The following PPP1R14A variants were observed in gnomAD, a reference collection of about 807,000 sequenced individuals.
PPP1R14A encodes protein phosphatase 1 regulatory subunit 14A.
A neutral mutation model predicts 14.1 loss-of-function variants in PPP1R14A; 9 were observed. The ratio of observed to expected loss-of-function variants is 0.64; its 90% CI spans 0.38 to 1.11. The LOEUF (loss-of-function observed/expected upper bound fraction) is 1.11, where lower values mean the gene tolerates loss of function less well. PPP1R14A is among the 50% of genes most tolerant of loss of function. The pLI is 0.01. For synonymous variants in PPP1R14A, 93 were observed against 88.7 expected (o/e 1.05, Z -0.27); for missense variants, 208 against 200.7 (o/e 1.04, Z -0.22).
chr19:38,252,148 A>T lies in PPP1R14A; in HGVS notation c.315+158T>A. On this transcript the variant is annotated intron_variant, in intron 3 of 3. Transcript: ENST00000301242. This position sits in a 1 kb window ranked among gnomAD's most constrained non-coding sequence, Gnocchi z 4.1. Reference sequence around the variant, plus strand: ...AGAGACAAGTAGGAGGACAAAAGACACCCCTGGAGACCAGAAAGAGCTGCG... The same window carrying T: ...AGAGACAAGTAGGAGGACAAAAGACTCCCCTGGAGACCAGAAAGAGCTGCG... 1.6e-6 allele frequency: 1 copy of T among 629,780 alleles called. No individual in the cohort carries two copies. The highest frequency in any genetic ancestry group is 2.8e-6 in the Non-Finnish European group (1 of 362,508). The allele number at this position is 629,780 out of a possible 1,614,324, so 39.0% of individuals were successfully genotyped here. A position where few individuals can be genotyped will look rare whatever the true frequency, so the allele number is the denominator to read the frequency against.
At chr19:38,253,236 G>T in intron 1 of PPP1R14A, 1 of 453,032 alleles carries the variant, frequency 2.2e-6, no homozygotes, top group African/African-American at 2.0e-5. Context: ...GGGCTGGCAC[G>T]GGTCTCTCGC....
chr19:38,251,954 C>A (rs1968195417), intron 3 of PPP1R14A: 2 of 406,188 alleles, frequency 4.9e-6, no homozygotes, highest in Admixed American at 3.9e-5. Flanking sequence ...ATGGAGGGCC[C>A]CCAGAGGTGG....
At chr19:38,253,106 G>A in intron 1 of PPP1R14A, 132 bp from the exon 2 acceptor site, 1 of 689,406 alleles carries the variant, frequency 1.5e-6, no homozygotes, top group Non-Finnish European at 2.5e-6. Context: ...TGGCAGTCCG[G>A]GACAGCACTG....
rs1243576697 is a variant in PPP1R14A at position 38,252,558 on chromosome 19, T to C, written c.283-220A>G. ...ACTAGATCCAGAGAGGGCGAGAGGG[T>C]CACACAGCACTTCCCTCCTCTAAAA... On this transcript the variant is annotated intron_variant, in intron 2 of 3. Transcript: ENST00000301242. This position sits in a 1 kb window ranked among gnomAD's most constrained non-coding sequence, Gnocchi z 4.1. Among the ~76,000 whole-genome samples the C allele has an allele frequency of 2.6e-5, 4 of 151,312 alleles. No individual in the cohort carries two copies. Among genetic ancestry groups the C allele is most frequent in the Non-Finnish European group, 1.5e-5 (1 of 67,856 alleles).
In PPP1R14A at chr19:38,256,005, TG is replaced by T; in HGVS notation, c.201+133del. On this transcript the variant is annotated intron_variant, in intron 1 of 3. Coordinates refer to ENST00000301242, the MANE Select transcript of PPP1R14A (RefSeq NM_033256.3). This position sits in a 1 kb window ranked among gnomAD's most constrained non-coding sequence, Gnocchi z 5.7. ...GGCCAGGCCAATGAGTGCCCGGCCCTGGGGCGCTCGTCCTCTTGTGCAGACC... is the reference window on the plus strand; with the variant it reads ...GGCCAGGCCAATGAGTGCCCGGCCCTGGGCGCTCGTCCTCTTGTGCAGACC... 1.3e-6 allele frequency: 1 copy of T among 790,902 alleles called. No individual in the cohort carries two copies. Among genetic ancestry groups the T allele is most frequent in the South Asian group, 1.9e-5 (1 of 53,524 alleles). 49.0% of individuals were successfully genotyped at this position (790,902 alleles called of 1,614,324 possible). A position where few individuals can be genotyped will look rare whatever the true frequency, so the allele number is the denominator to read the frequency against.
chr19:38,256,049 G>T lies in PPP1R14A; in HGVS notation c.201+90C>A. On this transcript the variant is annotated intron_variant, in intron 1 of 3. Coordinates refer to ENST00000301242, the MANE Select transcript of PPP1R14A (RefSeq NM_033256.3). This position sits in a 1 kb window ranked among gnomAD's most constrained non-coding sequence, Gnocchi z 5.7. ...TGCAGACCAGGCTGGCCGTGCACCAGCGAGTGTGCACCGAGACCCCAAGGG... is the reference window on the plus strand; with the variant it reads ...TGCAGACCAGGCTGGCCGTGCACCATCGAGTGTGCACCGAGACCCCAAGGG... 1.7e-6 allele frequency: 2 copies of T among 1,190,790 alleles called. No homozygotes were observed. The highest frequency in any genetic ancestry group is 2.3e-6 in the Non-Finnish European group (2 of 869,488). The allele number at this position is 1,190,790 out of a possible 1,614,324, so 73.8% of individuals were successfully genotyped here.
At chr19:38,253,173 C>T (rs956779687) in intron 1 of PPP1R14A, 199 bp from the exon 2 acceptor site, 13 of 573,734 alleles carry the variant, frequency 2.3e-5, no homozygotes, top group Non-Finnish European at 4.1e-5. Context: ...CTGAGAGAGC[C>T]CCGGGGCCCT....
chr19:38,253,025 G>T, intron 1 of PPP1R14A, 51 bp from the exon 2 acceptor site: 1 of 1,462,688 alleles, frequency 6.8e-7, no homozygotes, highest in Non-Finnish European at 9.6e-7. Context: ...TCCCTCCCTC[G>T]CCTTTGTCCA....
chr19:38,255,627 C>CA lies in PPP1R14A; in HGVS notation c.201+511_201+512insT, dbSNP rs1255343833. 2.2e-5 allele frequency among the ~76,000 whole-genome samples: 3 copies of CA among 138,844 alleles called. No homozygotes were observed. In the East Asian group the frequency reaches 7.9e-4, roughly 37 times the overall value. The allele number at this position is 138,844 out of a possible 152,430, so 91.1% of individuals were successfully genotyped here. Reference sequence around the variant, plus strand: ...CATATGTTGAACTGTAGGTGACCCCCCCCCAGCCCCCGCTTGTGTCCTTGT... The same window carrying CA: ...CATATGTTGAACTGTAGGTGACCCCCACCCCAGCCCCCGCTTGTGTCCTTGT... On this transcript the variant is annotated intron_variant, in intron 1 of 3. Coordinates refer to ENST00000301242, the MANE Select transcript of PPP1R14A (RefSeq NM_033256.3).
intron 3 of PPP1R14A, chr19:38,251,763 A>G (rs1968193150): frequency 4.8e-6 from 2 of 412,902 alleles, no homozygotes; most frequent in Non-Finnish European, 8.5e-6. Flanking sequence ...AGAGAGAGAC[A>G]TAAGGACAGA....
At chr19:38,254,590 C>T (rs1431677382) in intron 1 of PPP1R14A, among the ~76,000 whole-genome samples, 1 of 152,064 alleles carries the variant, frequency 6.6e-6, no homozygotes, top group Non-Finnish European at 1.5e-5. Flanking sequence ...CAGGCGTGAG[C>T]CACTGTGCTC....
In PPP1R14A at chr19:38,256,093, G is replaced by T. The variant is rs200713746; in HGVS notation, c.201+46C>A. 1.0e-5 allele frequency: 15 copies of T among 1,491,482 alleles called. No homozygotes were observed. The Admixed American group carries it at 2.5e-4, about 25-fold the overall frequency. 92.4% of individuals were successfully genotyped at this position (1,491,482 alleles called of 1,614,324 possible). A position where few individuals can be genotyped will look rare whatever the true frequency, so the allele number is the denominator to read the frequency against. ...CCAAGGGCGTGGGGTCTCCGCGCCCGGGCTCTATCTGTCCCCGACCACCCC... is the reference window on the plus strand; with the variant it reads ...CCAAGGGCGTGGGGTCTCCGCGCCCTGGCTCTATCTGTCCCCGACCACCCC... On this transcript the variant is annotated intron_variant, in intron 1 of 3. Transcript: ENST00000301242. The surrounding 1 kb of genome is among the most constrained non-coding windows in gnomAD (Gnocchi z 5.7).
In PPP1R14A at chr19:38,251,353, GGCTGAGGCT is replaced by G; in HGVS notation, c.400_408del (p.Ser134_Ser136del). On this transcript the variant is annotated inframe_deletion, in exon 4 of 4. Transcript: ENST00000301242. Reference sequence around the variant, plus strand: ...GCAGTCCGGGCCCGGTCCTGGAGGGGGCTGAGGCTGCCGTCGTGGGAGGGGCTTGGCTGG... The same window carrying G: ...GCAGTCCGGGCCCGGTCCTGGAGGGGGCCGTCGTGGGAGGGGCTTGGCTGG... 6.4e-7 allele frequency: 1 copy of G among 1,550,450 alleles called. No individual in the cohort carries two copies. The highest frequency in any genetic ancestry group is 8.6e-7 in the Non-Finnish European group (1 of 1,158,220).
chr19:38,256,034 G>C lies in PPP1R14A; in HGVS notation c.201+105C>G. ...GCGCTCGTCCTCTTGTGCAGACCAG[G>C]CTGGCCGTGCACCAGCGAGTGTGCA... is the stretch of plus-strand genomic sequence containing the variant. On this transcript the variant is annotated intron_variant, in intron 1 of 3. Transcript: ENST00000301242. This position sits in a 1 kb window ranked among gnomAD's most constrained non-coding sequence, Gnocchi z 5.7. 1 of 1,063,322 alleles carries C rather than the reference G, an allele frequency of 9.4e-7. No homozygotes were observed. Among genetic ancestry groups the C allele is most frequent in the South Asian group, 1.6e-5 (1 of 61,262 alleles). 65.9% of individuals were successfully genotyped at this position (1,063,322 alleles called of 1,614,324 possible).
rs1968203287 is a variant in PPP1R14A at position 38,252,718 on chromosome 19, G to T, written c.282+176C>A. ...CCTCATTTTCCTCATGGGGAAAATG[G>T]AGCTCACACTAGCGCCTGCTTCGGA... On this transcript the variant is annotated intron_variant, in intron 2 of 3. Transcript: ENST00000301242. This position sits in a 1 kb window ranked among gnomAD's most constrained non-coding sequence, Gnocchi z 4.1. Among the ~76,000 whole-genome samples the T allele has an allele frequency of 6.6e-6, 1 of 152,154 alleles. No individual in the cohort carries two copies. Among genetic ancestry groups the T allele is most frequent in the Admixed American group, 6.5e-5 (1 of 15,272 alleles).
At position 38,256,088 on chromosome 19, in the gene PPP1R14A, C is replaced by T. The variant is rs978070190; in HGVS notation, c.201+51G>A. Reference sequence around the variant, plus strand: ...AGACCCCAAGGGCGTGGGGTCTCCGCGCCCGGGCTCTATCTGTCCCCGACC... The same window carrying T: ...AGACCCCAAGGGCGTGGGGTCTCCGTGCCCGGGCTCTATCTGTCCCCGACC... On this transcript the variant is annotated intron_variant, in intron 1 of 3. Transcript: ENST00000301242. This position sits in a 1 kb window ranked among gnomAD's most constrained non-coding sequence, Gnocchi z 5.7. 4.7e-6 allele frequency: 7 copies of T among 1,480,420 alleles called. No individual in the cohort carries two copies. Among genetic ancestry groups the T allele is most frequent in the Non-Finnish European group, 6.3e-6 (7 of 1,111,466 alleles). 91.7% of individuals were successfully genotyped at this position (1,480,420 alleles called of 1,614,324 possible). A position where few individuals can be genotyped will look rare whatever the true frequency, so the allele number is the denominator to read the frequency against.
chr19:38,251,468 G>A, intron 3 of PPP1R14A, 22 bp from the exon 4 acceptor site: 1 of 1,553,280 alleles, frequency 6.4e-7, no homozygotes, highest in Middle Eastern at 1.8e-4. Flanking sequence ...TGGGGGAGCT[G>A]AGAACATGGG....
intron 1 of PPP1R14A, among the ~76,000 whole-genome samples, chr19:38,254,601 G>C (rs939266699): frequency 5.9e-5 from 9 of 151,980 alleles, no homozygotes; most frequent in African/African-American, 2.2e-4. Flanking sequence ...CACTGTGCTC[G>C]GCCAATGAGG....
At chr19:38,253,185 T>G in intron 1 of PPP1R14A, 20 of 516,460 alleles carry the variant, frequency 3.9e-5, no homozygotes, top group East Asian at 6.7e-5. Flanking sequence ...CGGGGCCCTG[T>G]ACCAGCCCGA....
Sources: allele counts gnomAD v4.1 joint callset (sites outside exome capture counted in the v4.1 genomes callset), GRCh38; gene constraint gnomAD v4.1.1; non-coding constraint Gnocchi (gnomAD v3.1); transcripts MANE v1.5; gene names NCBI Gene and HGNC (gene_info 2026-07-23, HGNC 2026-07-21).